The following KCNIP4 variants were observed in gnomAD, a reference collection of about 807,000 sequenced individuals.
The protein encoded by KCNIP4 is potassium voltage-gated channel interacting protein 4.
In KCNIP4, 12 loss-of-function variants were observed where a neutral mutation model predicts 34.0. That is an observed-to-expected ratio of 0.35 (90% CI 0.23 to 0.57). The LOEUF is 0.57. Ranked by LOEUF, KCNIP4 falls within the 20% of genes least tolerant of loss-of-function variation. The pLI, the probability that KCNIP4 is intolerant of heterozygous loss-of-function variation, is 0.83. For missense variants in KCNIP4, 238 were observed against 311.7 expected (o/e 0.76, Z 1.78); for synonymous variants, 124 against 102.2 (o/e 1.21, Z -1.29).
At chr4:20,806,077 G>C (rs895470506) in intron 3 of KCNIP4, among the ~76,000 whole-genome samples, 10 of 151,692 alleles carry the variant, frequency 6.6e-5, no homozygotes, top group Admixed American at 5.9e-4. Context: ...GTTTCCTTTG[G>C]GGGGGCTTTC....
At chr4:21,072,114 T>A (rs1212876005) in intron 1 of KCNIP4, among the ~76,000 whole-genome samples, 1 of 152,248 alleles carries the variant, frequency 6.6e-6, no homozygotes, top group Non-Finnish European at 1.5e-5. Context: ...TGTGGGCATG[T>A]GTCTTTATAA....
rs1013713017 is a variant in KCNIP4, at chr4:21,156,931, A to G, written c.62-274222T>C. 5.9e-5 allele frequency among the ~76,000 whole-genome samples: 9 copies of G among 152,278 alleles called. No individual in the cohort carries two copies. In the South Asian group the frequency reaches 1.7e-3, roughly 28 times the overall value. On this transcript the variant is annotated intron_variant, in intron 1 of 8. Coordinates refer to ENST00000382152, the MANE Select transcript of KCNIP4 (RefSeq NM_025221.6). The stretch of plus-strand genomic sequence containing the variant: ...AATGGCATTTGCTTTAAGGAATTCA[A>G]TGATCTAGGATTTAAATATTTTGTT...
At chr4:20,881,024 G>T (rs543732080) in intron 2 of KCNIP4, among the ~76,000 whole-genome samples, 1 of 152,310 alleles carries the variant, frequency 6.6e-6, no homozygotes, top group South Asian at 2.1e-4. Context: ...AGAATATAAT[G>T]TAAGCTCTAA....
chr4:21,587,012 C>A (rs1391965773), intron 1 of KCNIP4, among the ~76,000 whole-genome samples: 2 of 151,996 alleles, frequency 1.3e-5, no homozygotes, highest in Non-Finnish European at 2.9e-5. Context: ...GTTCACTTAT[C>A]AACAAAACTA....
intron 3 of KCNIP4, among the ~76,000 whole-genome samples, chr4:20,813,526 G>A (rs1205439102): frequency 1.3e-5 from 2 of 152,092 alleles, no homozygotes. Flanking sequence ...CTAGTGCTTA[G>A]GTTTTTGTGA....
intron 1 of KCNIP4, among the ~76,000 whole-genome samples, chr4:21,416,865 AGACAGAATCACAT>A (rs1373498015): frequency 6.6e-6 from 1 of 152,228 alleles, no homozygotes; most frequent in African/African-American, 2.4e-5. Flanking sequence ...CTCAGACAGA[AGACAGAATCACAT>A]GCTTCCTAGA....
At chr4:20,897,236 C>A (rs1331704805) in intron 1 of KCNIP4, among the ~76,000 whole-genome samples, 2 of 151,582 alleles carry the variant, frequency 1.3e-5, no homozygotes, top group Non-Finnish European at 2.9e-5. Flanking sequence ...CCCCCTCCAA[C>A]CCACCGCCCC....
chr4:21,519,947 T>C (rs1735382233), intron 1 of KCNIP4, among the ~76,000 whole-genome samples: 1 of 151,086 alleles, frequency 6.6e-6, no homozygotes, highest in African/African-American at 2.4e-5. Context: ...GGTCCCACAA[T>C]AGGCCATTTG....
At chr4:21,082,822 T>A (rs1048496610) in intron 1 of KCNIP4, among the ~76,000 whole-genome samples, 1 of 151,780 alleles carries the variant, frequency 6.6e-6, no homozygotes, top group Non-Finnish European at 1.5e-5. Context: ...GGAAAATGAC[T>A]ATGTGGTGCT....
intron 5 of KCNIP4, among the ~76,000 whole-genome samples, chr4:20,740,978 C>T (rs1169968907): frequency 6.6e-6 from 1 of 152,110 alleles, no homozygotes; most frequent in African/African-American, 2.4e-5. Context: ...ACAAAGAAGG[C>T]TATTACATAA....
intron 1 of KCNIP4, among the ~76,000 whole-genome samples, chr4:20,972,754 T>C (rs1379390969): frequency 2.6e-5 from 4 of 152,126 alleles, no homozygotes; most frequent in African/African-American, 9.7e-5. Context: ...CCGAGCAAGT[T>C]GCCTGATTTA....
At position 20,905,509 on chromosome 4, in the gene KCNIP4, C is replaced by CTTTTTTTTTTTTTTTTTTTTTTTTTTTTT. The variant is rs10686415; in HGVS notation, c.62-22801_62-22800insAAAAAAAAAAAAAAAAAAAAAAAAAAAAA. On this transcript the variant is annotated intron_variant, in intron 1 of 8. Coordinates refer to ENST00000382152, the MANE Select transcript of KCNIP4 (RefSeq NM_025221.6). ...ACACAGGTAGTTGAACGTTTTCTTT[C>CTTTTTTTTTTTTTTTTTTTTTTTTTTTTT]TTTTTTTTTTTTTTTTGTTTGAGAT... Among the ~76,000 whole-genome samples, 8 of 72,804 alleles carry CTTTTTTTTTTTTTTTTTTTTTTTTTTTTT rather than the reference C, an allele frequency of 1.1e-4. 2 individuals carry two copies. The highest frequency in any genetic ancestry group is 1.9e-4 in the Admixed American group (1 of 5,364). 47.8% of individuals were successfully genotyped at this position (72,804 alleles called of 152,430 possible). A position where few individuals can be genotyped will look rare whatever the true frequency, so the allele number is the denominator to read the frequency against.
At chr4:21,321,984 G>A (rs1255184883) in intron 1 of KCNIP4, among the ~76,000 whole-genome samples, 1 of 139,336 alleles carries the variant, frequency 7.2e-6, no homozygotes, top group African/African-American at 2.7e-5. Flanking sequence ...TGGTGGAAGG[G>A]AAGGAAGAGA....
chr4:21,378,463 A>G (rs576118999), intron 1 of KCNIP4, among the ~76,000 whole-genome samples: 6 of 152,202 alleles, frequency 3.9e-5, no homozygotes, highest in Non-Finnish European at 8.8e-5. Flanking sequence ...TGAAGTAAAG[A>G]AGGCTTATAA....
intron 1 of KCNIP4, among the ~76,000 whole-genome samples, chr4:21,125,648 C>T (rs1317546673): frequency 6.6e-6 from 1 of 152,052 alleles, no homozygotes; most frequent in African/African-American, 2.4e-5. Flanking sequence ...CAGTGCAACA[C>T]AGTAAATTAT....
chr4:21,863,950 T>C (rs1725260403), intron 1 of KCNIP4, among the ~76,000 whole-genome samples: 1 of 128,532 alleles, frequency 7.8e-6, no homozygotes, highest in African/African-American at 2.5e-5. Flanking sequence ...ATAATTTGCT[T>C]TAACACAAAA....
chr4:20,943,140 T>C (rs1223402682), intron 1 of KCNIP4, among the ~76,000 whole-genome samples: 1 of 152,140 alleles, frequency 6.6e-6, no homozygotes, highest in East Asian at 1.9e-4. Context: ...TTATTCAACC[T>C]ATAATTATTT....
At chr4:20,733,435 T>G (rs1429556165) in intron 6 of KCNIP4, among the ~76,000 whole-genome samples, 1 of 152,206 alleles carries the variant, frequency 6.6e-6, no homozygotes, top group East Asian at 1.9e-4. Flanking sequence ...AACATTTAGA[T>G]TTATTGTTGC....
intron 1 of KCNIP4, among the ~76,000 whole-genome samples, chr4:21,294,553 T>C (rs1426303900): frequency 6.6e-6 from 1 of 152,330 alleles, no homozygotes; most frequent in African/African-American, 2.4e-5. Flanking sequence ...CCTATAATTG[T>C]GGCTAATAAG....
Sources: allele counts gnomAD v4.1 joint callset (sites outside exome capture counted in the v4.1 genomes callset), GRCh38; gene constraint gnomAD v4.1.1; transcripts MANE v1.5; gene names NCBI Gene and HGNC (gene_info 2026-07-23, HGNC 2026-07-21).